ANXA11: variants seen among roughly 807,000 people sequenced by gnomAD.
ANXA11 encodes the protein annexin A11, also known as 56 kDa autoantigen.
A neutral mutation model predicts 64.7 loss-of-function variants in ANXA11; 57 were observed. That is an observed-to-expected ratio of 0.88 (90% confidence interval 0.71 to 1.10). The LOEUF (loss-of-function observed/expected upper bound fraction) is 1.10. Among genes scored for constraint, ANXA11 ranks in the 50% least tolerant of loss-of-function variants. The pLI is 0.00. For synonymous variants in ANXA11, 260 were observed against 265.2 expected (o/e 0.98, Z 0.19); for missense variants, 675 against 670.7 (o/e 1.01, Z -0.07).
At chr10:80,202,201 G>C (rs886650030) in intron 1 of ANXA11, among the ~76,000 whole-genome samples, 6 of 150,724 alleles carry the variant, frequency 4.0e-5, no homozygotes, top group Non-Finnish European at 7.4e-5. Context: ...TCTGTGGGGG[G>C]GAAGCGGGGG....
At chr10:80,175,771 T>C (rs1319036923) in intron 2 of ANXA11, among the ~76,000 whole-genome samples, 2 of 152,130 alleles carry the variant, frequency 1.3e-5, no homozygotes, top group Non-Finnish European at 2.9e-5. Flanking sequence ...AATACACAGA[T>C]GTCGGCTGGG....
At chr10:80,191,818 C>T (rs1846788990) in intron 1 of ANXA11, among the ~76,000 whole-genome samples, 1 of 152,206 alleles carries the variant, frequency 6.6e-6, no homozygotes, top group African/African-American at 2.4e-5. Context: ...CAGCCAGGAC[C>T]TCACAACCGG....
At chr10:80,199,536 T>C (rs1840329604) in intron 1 of ANXA11, among the ~76,000 whole-genome samples, 2 of 152,166 alleles carry the variant, frequency 1.3e-5, no homozygotes, top group Non-Finnish European at 2.9e-5. Context: ...CTGGGTGCAG[T>C]GGCTCATGTC....
In ANXA11 at chr10:80,194,882, G is replaced by A. The variant is rs187561865; in HGVS notation, c.-58+10461C>T. ...CTCGGCTAGGGCTGGCAACAGCTGC[G>A]CACCTCCCTCCCTCCTTCAGCTGCC... On this transcript the variant is annotated intron_variant, in intron 1 of 15. Transcript: ENST00000422982. Among the ~76,000 whole-genome samples, 598 of 152,288 alleles carry A rather than the reference G, an allele frequency of 3.9e-3. 4 individuals carry two copies. Among genetic ancestry groups the A allele is most frequent in the Non-Finnish European group, 4.0e-3 (272 of 68,008 alleles).
intron 1 of ANXA11, among the ~76,000 whole-genome samples, chr10:80,190,775 A>G (rs1589448123): frequency 7.2e-6 from 1 of 138,870 alleles, no homozygotes; most frequent in Non-Finnish European, 1.6e-5. Flanking sequence ...GTGAGCCACC[A>G]CGCCTGGCCA....
chr10:80,161,631 T>C (rs1845508810), intron 12 of ANXA11, among the ~76,000 whole-genome samples: 1 of 152,264 alleles, frequency 6.6e-6, no homozygotes. Flanking sequence ...GACTGTTTCT[T>C]ATGCCAGGCT....
chr10:80,196,215 C>T (rs1840156760), intron 1 of ANXA11, among the ~76,000 whole-genome samples: 1 of 152,192 alleles, frequency 6.6e-6, no homozygotes, highest in Non-Finnish European at 1.5e-5. Context: ...AGCAAGGGAA[C>T]GAAGGCTGAG....
intron 1 of ANXA11, among the ~76,000 whole-genome samples, chr10:80,179,786 T>C (rs1419864112): frequency 2.0e-5 from 3 of 152,328 alleles, no homozygotes; most frequent in African/African-American, 4.8e-5. Context: ...TAAAATGCTA[T>C]ACAAACTGCA....
intron 2 of ANXA11, among the ~76,000 whole-genome samples, chr10:80,175,760 A>G (rs892934847): frequency 1.3e-5 from 2 of 152,222 alleles, no homozygotes; most frequent in African/African-American, 2.4e-5. Context: ...CACCAATTAA[A>G]AATACACAGA....
intron 5 of ANXA11, among the ~76,000 whole-genome samples, chr10:80,168,255 G>T (rs944993477): frequency 1.3e-5 from 2 of 151,674 alleles, no homozygotes; most frequent in African/African-American, 2.4e-5. Flanking sequence ...TCTGTGCCGG[G>T]GGGGGCGGGG....
At chr10:80,178,511 A>C (rs571194161) in intron 1 of ANXA11, among the ~76,000 whole-genome samples, 47 of 152,340 alleles carry the variant, frequency 3.1e-4, no homozygotes, top group African/African-American at 1.1e-3. Context: ...CTCTCAGGGC[A>C]GGCTGCAGCA....
At chr10:80,196,009 T>C (rs989264116) in intron 1 of ANXA11, among the ~76,000 whole-genome samples, 15 of 152,262 alleles carry the variant, frequency 9.9e-5, no homozygotes, top group African/African-American at 3.6e-4. Flanking sequence ...CCCACCCTGA[T>C]CTCCTATCCA....
chr10:80,179,801 T>C (rs1418026223), intron 1 of ANXA11, among the ~76,000 whole-genome samples: 1 of 152,190 alleles, frequency 6.6e-6, no homozygotes, highest in African/African-American at 2.4e-5. Flanking sequence ...ACTGCATGCT[T>C]TTTACAAATA....
At chr10:80,178,630 C>A (rs377295113) in intron 1 of ANXA11, among the ~76,000 whole-genome samples, 8 of 152,352 alleles carry the variant, frequency 5.3e-5, no homozygotes, top group African/African-American at 1.9e-4. Context: ...GAAAACAGTC[C>A]CCTATAGGGC....
At chr10:80,183,803 AG>A (rs1846441104) in intron 1 of ANXA11, among the ~76,000 whole-genome samples, 1 of 152,206 alleles carries the variant, frequency 6.6e-6, no homozygotes, top group South Asian at 2.1e-4. Context: ...CACAGCCAGA[AG>A]GTTCCAGAAA....
intron 1 of ANXA11, among the ~76,000 whole-genome samples, chr10:80,197,801 G>A (rs1309986890): frequency 6.6e-6 from 1 of 152,104 alleles, no homozygotes; most frequent in Admixed American, 6.5e-5. Flanking sequence ...GCGGGCGCCT[G>A]TAGTCCCAGC....
rs929294311 is a variant in ANXA11, at chr10:80,169,068, A to ACCAGGGTAGGTCACTGGTGGCTGC, written c.438_461dup (p.Thr151_Val158dup). ...GCCCAGGGAGTGGCACTGGAGGCTG[A>ACCAGGGTAGGTCACTGGTGGCTGC]CCAGGGTAGGTCACTGGTGGCTGCC... On this transcript the variant is annotated inframe_insertion, in exon 5 of 16. Coordinates refer to ENST00000422982, the MANE Select transcript of ANXA11 (RefSeq NM_145868.2). The ACCAGGGTAGGTCACTGGTGGCTGC allele has an allele frequency of 1.3e-6, 2 of 1,538,660 alleles. No individual in the cohort carries two copies. The highest frequency in any genetic ancestry group is 1.4e-5 in the African/African-American group (1 of 72,240).
intron 1 of ANXA11, among the ~76,000 whole-genome samples, chr10:80,198,990 T>A (rs186080229): frequency 2.0e-5 from 3 of 152,310 alleles, no homozygotes; most frequent in East Asian, 3.9e-4. Flanking sequence ...CAATTAGGTT[T>A]GTTGCTGTTA....
chr10:80,184,011 T>C (rs532852475), intron 1 of ANXA11, among the ~76,000 whole-genome samples: 1 of 152,330 alleles, frequency 6.6e-6, no homozygotes, highest in Non-Finnish European at 1.5e-5. Flanking sequence ...CGGTGATTAA[T>C]AATGGTCGAC....
Sources: gnomAD v4.1 joint callset for allele counts (sites outside exome capture counted in the v4.1 genomes callset) on GRCh38, gnomAD v4.1.1 for gene constraint, MANE v1.5 for transcripts, NCBI Gene and HGNC (gene_info 2026-07-23, HGNC 2026-07-21) for gene names.